RGS6: variants seen among roughly 807,000 people sequenced by gnomAD.
The protein encoded by RGS6 is regulator of G-protein signaling 6.
Under a neutral mutation model 78.5 loss-of-function variants are expected in RGS6, and 30 were observed. The ratio of observed to expected loss-of-function variants is 0.38; its 90% CI spans 0.29 to 0.52. RGS6 has a LOEUF of 0.52. Among genes scored for constraint, RGS6 ranks in the 20% least tolerant of loss-of-function variants. RGS6 has a pLI of 0.85. For missense variants in RGS6, 495 were observed against 609.7 expected (o/e 0.81, Z 1.98); for synonymous variants, 206 against 206.0 (o/e 1.00, Z 0.00).
intron 6 of RGS6, 123 bp from the exon 7 acceptor site, chr14:72,465,635 T>TGGAC (rs2153275401): frequency 1.5e-6 from 1 of 650,240 alleles, no homozygotes; most frequent in South Asian, 1.8e-5. Flanking sequence ...GATGGATGGA[T>TGGAC]GGATGGATGG....
intron 2 of RGS6, among the ~76,000 whole-genome samples, chr14:72,153,422 G>A (rs1185855329): frequency 2.0e-5 from 3 of 152,234 alleles, no homozygotes; most frequent in Non-Finnish European, 2.9e-5. Context: ...CTGGGGACCA[G>A]ATTTGGATGG....
chr14:72,298,601 T>C (rs2065372271), intron 2 of RGS6, among the ~76,000 whole-genome samples: 1 of 151,770 alleles, frequency 6.6e-6, no homozygotes, highest in Non-Finnish European at 1.5e-5. Context: ...GCACCCACCA[T>C]GACATCCGGC....
chr14:72,178,334 A>G (rs1277789015), intron 2 of RGS6, among the ~76,000 whole-genome samples: 2 of 152,166 alleles, frequency 1.3e-5, no homozygotes, highest in African/African-American at 4.8e-5. Context: ...CAAAGAACCC[A>G]GCCTTCTGCA....
At chr14:72,311,165 C>T (rs2068527173) in intron 2 of RGS6, among the ~76,000 whole-genome samples, 1 of 152,158 alleles carries the variant, frequency 6.6e-6, no homozygotes, top group South Asian at 2.1e-4. Context: ...TGCTCAGAAT[C>T]ATCTCACAAA....
At chr14:72,497,089 A>G (rs2096654894) in intron 13 of RGS6, among the ~76,000 whole-genome samples, 1 of 152,188 alleles carries the variant, frequency 6.6e-6, no homozygotes. Context: ...CAATTATTTC[A>G]TCAGTATATA....
chr14:72,460,740 G>A (rs2095756351), intron 6 of RGS6, among the ~76,000 whole-genome samples: 1 of 152,112 alleles, frequency 6.6e-6, no homozygotes, highest in African/African-American at 2.4e-5. Context: ...CAGCTTCTTT[G>A]CAGAATTGTT....
intron 3 of RGS6, among the ~76,000 whole-genome samples, chr14:72,450,138 T>C (rs2095456776): frequency 6.6e-6 from 1 of 152,042 alleles, no homozygotes. Context: ...TAAATATATA[T>C]CCAGAATTTT....
At chr14:71,940,875 C>T (rs939120629) in intron 1 of RGS6, among the ~76,000 whole-genome samples, 21 of 152,224 alleles carry the variant, frequency 1.4e-4, no homozygotes, top group Non-Finnish European at 1.5e-5. Context: ...CTAATCCACT[C>T]CACCACCCCA....
intron 2 of RGS6, among the ~76,000 whole-genome samples, chr14:72,219,224 C>T (rs1323023160): frequency 6.6e-6 from 1 of 152,024 alleles, no homozygotes; most frequent in African/African-American, 2.4e-5. Flanking sequence ...TGGGTGACCA[C>T]ACTGCACGTG....
chr14:72,016,944 G>A (rs1347620729), intron 2 of RGS6, among the ~76,000 whole-genome samples: 1 of 152,134 alleles, frequency 6.6e-6, no homozygotes, highest in African/African-American at 2.4e-5. Context: ...TGTTTATTTA[G>A]TTCTCTTTTT....
intron 1 of RGS6, among the ~76,000 whole-genome samples, chr14:71,953,178 A>G (rs1241198846): frequency 6.6e-6 from 1 of 152,168 alleles, no homozygotes; most frequent in Non-Finnish European, 1.5e-5. Context: ...ACTCATTGCT[A>G]ACCAGGAGGG....
intron 3 of RGS6, among the ~76,000 whole-genome samples, chr14:72,400,222 G>C (rs2092207401): frequency 1.3e-5 from 2 of 152,284 alleles, no homozygotes; most frequent in East Asian, 3.9e-4. Context: ...AAGAGAGTGG[G>C]GGCCAATATT....
intron 2 of RGS6, among the ~76,000 whole-genome samples, chr14:71,978,681 A>G (rs2153107058): frequency 6.6e-6 from 1 of 151,022 alleles, no homozygotes; most frequent in East Asian, 2.0e-4. Flanking sequence ...TTTATTGAGG[A>G]TTTTTGCATC....
chr14:72,533,369 C>G (rs960904877), intron 15 of RGS6, among the ~76,000 whole-genome samples: 5 of 152,220 alleles, frequency 3.3e-5, no homozygotes, highest in Non-Finnish European at 7.3e-5. Context: ...ATGCACCAAG[C>G]CATCCAAGAG....
At chr14:72,423,716 G>A (rs2094310834) in intron 3 of RGS6, among the ~76,000 whole-genome samples, 1 of 152,134 alleles carries the variant, frequency 6.6e-6, no homozygotes, top group South Asian at 2.1e-4. Flanking sequence ...ACAACCAGCA[G>A]GTCCTTTGCT....
chr14:72,174,394 G>A (rs564796001), intron 2 of RGS6, among the ~76,000 whole-genome samples: 26 of 152,296 alleles, frequency 1.7e-4, no homozygotes, highest in African/African-American at 4.1e-4. Context: ...CACTGCGCCC[G>A]GTGACCACAT....
the RGS6 span, among the ~76,000 whole-genome samples, chr14:72,594,121 T>C: frequency 2.6e-5 from 4 of 152,258 alleles, no homozygotes; most frequent in East Asian, 5.8e-4. Flanking sequence ...AATAGGCAAG[T>C]CTTTTATGAG....
At chr14:72,440,888 G>C (rs1410821061) in intron 3 of RGS6, among the ~76,000 whole-genome samples, 3 of 152,136 alleles carry the variant, frequency 2.0e-5, no homozygotes, top group Admixed American at 1.3e-4. Context: ...TGTGTGTCTT[G>C]TGTCTATGCA....
intron 2 of RGS6, among the ~76,000 whole-genome samples, chr14:72,207,770 G>A (rs756665896): frequency 6.6e-6 from 1 of 152,076 alleles, no homozygotes; most frequent in Non-Finnish European, 1.5e-5. Context: ...CACCCAATAG[G>A]CACTCTCCCT....
Sources: gnomAD v4.1 joint callset for allele counts (sites outside exome capture counted in the v4.1 genomes callset) on GRCh38, gnomAD v4.1.1 for gene constraint, MANE v1.5 for transcripts, NCBI Gene and HGNC (gene_info 2026-07-23, HGNC 2026-07-21) for gene names.